Variants in RSRC1 observed in about 807,000 individuals in gnomAD.
RSRC1 encodes the protein serine/Arginine-related protein 53.
RSRC1 carries 39 observed loss-of-function variants against 49.1 expected under a neutral mutation model. That is an observed-to-expected ratio of 0.79 (90% CI 0.61 to 1.04). The LOEUF is 1.04. RSRC1 is among the 50% of genes least tolerant of loss of function. RSRC1 has a pLI of 0.00. For synonymous variants in RSRC1, 143 were observed against 130.8 expected (o/e 1.09, Z -0.63); for missense variants, 388 against 402.4 (o/e 0.96, Z 0.31).
chr3:158,168,691 T>C (rs1481126992), intron 3 of RSRC1, among the ~76,000 whole-genome samples: 1 of 152,170 alleles, frequency 6.6e-6, no homozygotes, highest in Admixed American at 6.6e-5. Context: ...TAATTTTTGG[T>C]ACAAGTGCCT....
At chr3:158,200,836 AC>A (rs1721003023) in intron 3 of RSRC1, among the ~76,000 whole-genome samples, 1 of 152,138 alleles carries the variant, frequency 6.6e-6, no homozygotes, top group Non-Finnish European at 1.5e-5. Context: ...TTCAGTATAA[AC>A]CTTAGAGTAA....
chr3:158,457,543 A>G (rs917685508), intron 6 of RSRC1, among the ~76,000 whole-genome samples: 4 of 152,156 alleles, frequency 2.6e-5, no homozygotes, highest in African/African-American at 9.7e-5. Context: ...AGGTATGGCT[A>G]TGATAGACAT....
At chr3:158,210,864 T>G (rs1721633719) in intron 4 of RSRC1, among the ~76,000 whole-genome samples, 1 of 152,108 alleles carries the variant, frequency 6.6e-6, no homozygotes, top group South Asian at 2.1e-4. Context: ...ACATTTAAAT[T>G]ATCACACAGT....
chr3:158,129,497 G>T (rs1715865007), intron 3 of RSRC1, among the ~76,000 whole-genome samples: 1 of 151,892 alleles, frequency 6.6e-6, no homozygotes, highest in East Asian at 1.9e-4. Context: ...CACCATGTTG[G>T]CCAGGCTGGT....
intron 7 of RSRC1, among the ~76,000 whole-genome samples, chr3:158,470,357 C>CATAT (rs1397429366): frequency 1.1e-3 from 141 of 128,780 alleles, no homozygotes; most frequent in African/African-American, 3.7e-3. Context: ...CACACACACA[C>CATAT]ACACATATAT....
intron 4 of RSRC1, among the ~76,000 whole-genome samples, chr3:158,229,969 C>T (rs1235709676): frequency 6.6e-6 from 1 of 152,022 alleles, no homozygotes; most frequent in Non-Finnish European, 1.5e-5. Flanking sequence ...AGTCCATGGT[C>T]CCAGTTAATG....
At chr3:158,244,528 T>C (rs1723777337) in intron 4 of RSRC1, among the ~76,000 whole-genome samples, 1 of 152,230 alleles carries the variant, frequency 6.6e-6, no homozygotes, top group South Asian at 2.1e-4. Flanking sequence ...TTTTCCAGCA[T>C]GTTGTTGAGC....
At chr3:158,322,067 T>C (rs1728795335) in intron 5 of RSRC1, among the ~76,000 whole-genome samples, 1 of 152,082 alleles carries the variant, frequency 6.6e-6, no homozygotes, top group Admixed American at 6.6e-5. Context: ...TTCCTGTGGT[T>C]CCAAGTTACC....
rs1374399372 is a variant in RSRC1, at chr3:158,529,183, A to G, written c.653-7909A>G. On this transcript the variant is annotated intron_variant, in intron 7 of 9. Coordinates refer to ENST00000611884, the MANE Select transcript of RSRC1 (RefSeq NM_001271838.2). ...AAGAGTAAGATATTATATAAAATAT[A>G]TATATTTTATGTATATATGTATGTG... Among the ~76,000 whole-genome samples, 26 of 142,212 alleles carry G rather than the reference A, an allele frequency of 1.8e-4. 1 individual carries two copies. The highest frequency in any genetic ancestry group is 3.0e-5 in the Non-Finnish European group (2 of 66,312). 93.3% of individuals were successfully genotyped at this position (142,212 alleles called of 152,430 possible).
rs564025827 is a variant in RSRC1 at position 158,461,091 on chromosome 3, G to C, written c.652+88G>C. 5 of 877,592 alleles carry C rather than the reference G, an allele frequency of 5.7e-6. No individual in the cohort carries two copies. The African/African-American group carries it at 6.9e-5, about 12-fold the overall frequency. 54.4% of individuals were successfully genotyped at this position (877,592 alleles called of 1,614,324 possible). A position where few individuals can be genotyped will look rare whatever the true frequency, so the allele number is the denominator to read the frequency against. On this transcript the variant is annotated intron_variant, in intron 7 of 9. Transcript: ENST00000611884. The stretch of plus-strand genomic sequence containing the variant: ...CGTAGAATATAATCTAATGCCTTAA[G>C]GGTTACTTCATGCTGTTTCATGAAC...
intron 6 of RSRC1, among the ~76,000 whole-genome samples, chr3:158,404,266 C>T (rs541166624): frequency 6.6e-5 from 10 of 152,016 alleles, no homozygotes; most frequent in East Asian, 3.9e-4. Flanking sequence ...CTGATCCTAA[C>T]TTAGAGCACA....
intron 5 of RSRC1, among the ~76,000 whole-genome samples, chr3:158,325,371 T>G (rs1199910477): frequency 1.3e-5 from 2 of 152,318 alleles, no homozygotes; most frequent in East Asian, 1.9e-4. Flanking sequence ...GGTCTAAGAT[T>G]TAAGTCTTTA....
At chr3:158,496,808 A>C (rs1739345266) in intron 7 of RSRC1, 1 of 225,638 alleles carries the variant, frequency 4.4e-6, no homozygotes, top group African/African-American at 2.3e-5. Flanking sequence ...CTAGGGGAAG[A>C]GATAGGCCTC....
chr3:158,502,786 C>T (rs1331975488), intron 7 of RSRC1, among the ~76,000 whole-genome samples: 3 of 152,086 alleles, frequency 2.0e-5, no homozygotes, highest in Non-Finnish European at 4.4e-5. Flanking sequence ...CTTTGGATTT[C>T]CTTGCATTGG....
At chr3:158,368,144 G>A (rs1305797310) in intron 6 of RSRC1, among the ~76,000 whole-genome samples, 1 of 152,216 alleles carries the variant, frequency 6.6e-6, no homozygotes, top group East Asian at 1.9e-4. Flanking sequence ...TTGAGAGGGT[G>A]ATATGTTTAA....
rs1017041126 is a variant in RSRC1, at chr3:158,492,457, C to T, written c.652+31454C>T. Among the ~76,000 whole-genome samples the T allele has an allele frequency of 7.2e-5, 11 of 152,208 alleles. No homozygotes were observed. The South Asian group carries it at 1.4e-3, about 20-fold the overall frequency. ...AAATCTGGTCAAAGCTACTATTTGA[C>T]TGTTTTAGTTACAGAATGTTCTCTG... is the stretch of plus-strand genomic sequence containing the variant. On this transcript the variant is annotated intron_variant, in intron 7 of 9. Transcript: ENST00000611884.
chr3:158,493,819 A>G (rs761216780), intron 7 of RSRC1, among the ~76,000 whole-genome samples: 1 of 152,216 alleles, frequency 6.6e-6, no homozygotes. Flanking sequence ...TTGTCACATA[A>G]GTATATCCTT....
chr3:158,350,125 GTTTT>G (rs1730785194), intron 5 of RSRC1, among the ~76,000 whole-genome samples: 2 of 143,454 alleles, frequency 1.4e-5, no homozygotes, highest in South Asian at 4.4e-4. Context: ...TTGGGTGTTG[GTTTT>G]TGTTTGTCTG....
chr3:158,296,374 A>T (rs919386540), intron 4 of RSRC1, among the ~76,000 whole-genome samples: 1 of 151,902 alleles, frequency 6.6e-6, no homozygotes, highest in Admixed American at 6.6e-5. Flanking sequence ...CTTCAGAAGG[A>T]TTAACCAAGA....
Sources: gnomAD v4.1 joint callset for allele counts (sites outside exome capture counted in the v4.1 genomes callset) on GRCh38, gnomAD v4.1.1 for gene constraint, MANE v1.5 for transcripts, NCBI Gene and HGNC (gene_info 2026-07-23, HGNC 2026-07-21) for gene names.